The following ATP6V1H variants were observed in gnomAD, a reference collection of about 807,000 sequenced individuals.
ATP6V1H encodes the protein V-type proton ATPase subunit H.
ATP6V1H carries 39 observed loss-of-function variants against 71.7 expected under a neutral mutation model. The ratio of observed to expected loss-of-function variants is 0.54; its 90% CI spans 0.42 to 0.71. ATP6V1H has a LOEUF of 0.71. ATP6V1H is among the 30% of genes least tolerant of loss of function. The pLI is 0.00. For synonymous variants in ATP6V1H, 192 were observed against 199.3 expected, an observed-to-expected ratio of 0.96 and a Z score of 0.31; for missense variants, 509 against 594.9, an observed-to-expected ratio of 0.86 and a Z score of 1.50.
Position 53,796,275 on chromosome 8 carries a change from T to C in ATP6V1H, c.678-436A>G, listed in dbSNP as rs142067985. ...ACCTGTGATGGGTTCAAATTTGACA[T>C]AGCCAATTACTGAATTCGGGGGTCA... On this transcript the variant is annotated intron_variant, in intron 8 of 13. Coordinates refer to ENST00000359530, the MANE Select transcript of ATP6V1H (RefSeq NM_015941.4). 5.3e-3 allele frequency among the ~76,000 whole-genome samples: 814 copies of C among 152,166 alleles called. 19 individuals are homozygous for C. Among genetic ancestry groups the C allele is most frequent in the Admixed American group, 0.049 (745 of 15,282 alleles).
chr8:53,770,498 C>T (rs1018360849), intron 10 of ATP6V1H, among the ~76,000 whole-genome samples: 8 of 152,060 alleles, frequency 5.3e-5, no homozygotes, highest in African/African-American at 9.7e-5. Context: ...ACTAGTAATT[C>T]GGTATAACCA....
rs113699751 is a variant in ATP6V1H, at chr8:53,819,247, T to C, written c.307-1717A>G. ...AATTAAAAAAATAAAAATATATACA[T>C]TGGGCCAGGCACAGTGGCTCACGCC... On this transcript the variant is annotated intron_variant, in intron 4 of 13. Coordinates refer to ENST00000359530, the MANE Select transcript of ATP6V1H (RefSeq NM_015941.4). Among the ~76,000 whole-genome samples the C allele has an allele frequency of 2.0e-5, 3 of 151,156 alleles. 1 individual carries two copies. The highest frequency in any genetic ancestry group is 7.3e-5 in the African/African-American group (3 of 41,248).
chr8:53,840,497 CAA>C (rs111534562), intron 2 of ATP6V1H, among the ~76,000 whole-genome samples: 17 of 124,988 alleles, frequency 1.4e-4, no homozygotes, highest in Admixed American at 2.5e-4. Context: ...GACTCTGTCT[CAA>C]AAAAAAAAAA....
intron 4 of ATP6V1H, among the ~76,000 whole-genome samples, chr8:53,819,806 ATGTG>A (rs531362176): frequency 4.8e-5 from 7 of 146,014 alleles, no homozygotes; most frequent in African/African-American, 7.6e-5. Context: ...TACAAAGTAT[ATGTG>A]TGTGTGTGTA....
intron 13 of ATP6V1H, among the ~76,000 whole-genome samples, chr8:53,736,709 A>C (rs1807217133): frequency 6.6e-6 from 1 of 152,236 alleles, no homozygotes; most frequent in African/African-American, 2.4e-5. Flanking sequence ...TCTTGCAGGA[A>C]GACCTAAGTA....
chr8:53,841,854 C>T (rs1811352771), intron 1 of ATP6V1H, 129 bp from the exon 2 acceptor site: 1 of 816,260 alleles, frequency 1.2e-6, no homozygotes, highest in South Asian at 2.2e-5. Flanking sequence ...ATTAAATGTC[C>T]TAAGTCTGAA....
chr8:53,797,892 T>C (rs966264761), intron 8 of ATP6V1H, among the ~76,000 whole-genome samples: 7 of 152,166 alleles, frequency 4.6e-5, no homozygotes, highest in Non-Finnish European at 8.8e-5. Context: ...AGGGCAAATG[T>C]GTACTTAGTT....
At chr8:53,831,744 ACT>A (rs1415222246) in intron 3 of ATP6V1H, 27 of 130,274 alleles carry the variant, frequency 2.1e-4, no homozygotes, top group Non-Finnish European at 3.4e-4. Flanking sequence ...CAATAATTAC[ACT>A]CTTTTTTTTT....
chr8:53,797,501 G>T (rs911683942), intron 8 of ATP6V1H, among the ~76,000 whole-genome samples: 3 of 152,120 alleles, frequency 2.0e-5, no homozygotes, highest in African/African-American at 7.2e-5. Flanking sequence ...GGAGTTCAGA[G>T]ACACCAATAT....
chr8:53,795,507 T>C, intron 9 of ATP6V1H, 140 bp downstream of exon 9: 1 of 739,206 alleles, frequency 1.4e-6, no homozygotes. Flanking sequence ...ATTAGTGATA[T>C]TTTACTCTAT....
At chr8:53,818,483 T>C (rs866861213) in intron 4 of ATP6V1H, among the ~76,000 whole-genome samples, 3 of 152,186 alleles carry the variant, frequency 2.0e-5, no homozygotes, top group South Asian at 2.1e-4. Flanking sequence ...CATCAAGGAA[T>C]AGCCTACTGT....
At chr8:53,819,839 C>CACATACAT (rs1157283261) in intron 4 of ATP6V1H, among the ~76,000 whole-genome samples, 6 of 147,684 alleles carry the variant, frequency 4.1e-5, no homozygotes, top group African/African-American at 1.5e-4. Context: ...CACACACACA[C>CACATACAT]ACATACATAC....
chr8:53,814,428 G>A (rs1810383567), intron 6 of ATP6V1H, among the ~76,000 whole-genome samples: 1 of 151,962 alleles, frequency 6.6e-6, no homozygotes, highest in Non-Finnish European at 1.5e-5. Flanking sequence ...TGAAAAGCAT[G>A]ACTAAGAAAC....
At position 53,795,856 on chromosome 8, in the gene ATP6V1H, CAAA is replaced by C. The variant is rs745465778; in HGVS notation, c.678-20_678-18del. On this transcript the variant is annotated intron_variant, in intron 8 of 13. Transcript: ENST00000359530. ...CCCATTATGCTGAAAAACAAACAAA[CAAA>C]AAAAACACATTTACAAAACATTTAG... 1 of 1,565,880 alleles carries C rather than the reference CAAA, an allele frequency of 6.4e-7. No individual in the cohort carries two copies. Among genetic ancestry groups the C allele is most frequent in the African/African-American group, 1.4e-5 (1 of 71,872 alleles).
chr8:53,772,903 CAAA>C (rs201949406), intron 9 of ATP6V1H, among the ~76,000 whole-genome samples: 11,126 of 59,388 alleles, frequency 0.19, 607 homozygotes, highest in East Asian at 0.46. Flanking sequence ...CTATCAAATG[CAAA>C]AAAAAAAAAA....
At position 53,813,371 on chromosome 8, in the gene ATP6V1H, T is replaced by A. The variant is rs555054008; in HGVS notation, c.525+1291A>T. Among the ~76,000 whole-genome samples the A allele has an allele frequency of 2.6e-5, 4 of 152,332 alleles. No homozygotes were observed. The South Asian group carries it at 8.3e-4, about 32-fold the overall frequency. ...AAGTAAATCTAAGCAAAATACAGTG[T>A]CTTTCTTATGCCTCAAACTAAAATC... is the stretch of plus-strand genomic sequence containing the variant. On this transcript the variant is annotated intron_variant, in intron 6 of 13. Coordinates refer to ENST00000359530, the MANE Select transcript of ATP6V1H (RefSeq NM_015941.4).
intron 4 of ATP6V1H, among the ~76,000 whole-genome samples, chr8:53,820,204 A>G (rs566366807): frequency 5.3e-5 from 8 of 152,148 alleles, no homozygotes; most frequent in African/African-American, 1.9e-4. Flanking sequence ...AGAAACTGAA[A>G]AAGAGTACTG....
In ATP6V1H at chr8:53,772,881, A is replaced by G. The variant is rs535644681; in HGVS notation, c.871-714T>C. Among the ~76,000 whole-genome samples, 7 of 139,574 alleles carry G rather than the reference A, an allele frequency of 5.0e-5. No individual in the cohort carries two copies. The East Asian group carries it at 1.6e-3, about 31-fold the overall frequency. 91.6% of individuals were successfully genotyped at this position (139,574 alleles called of 152,430 possible). On this transcript the variant is annotated intron_variant, in intron 9 of 13. Transcript: ENST00000359530. Reference sequence around the variant, plus strand: ...AAAAAAAAGCTACTTTCACCAAGCTAGTTTAAAAAGCCTATCAAATGCAAA... The same window carrying G: ...AAAAAAAAGCTACTTTCACCAAGCTGGTTTAAAAAGCCTATCAAATGCAAA...
chr8:53,836,085 G>A (rs73680324), intron 2 of ATP6V1H, among the ~76,000 whole-genome samples: 7,479 of 152,136 alleles, frequency 0.049, 553 homozygotes, highest in African/African-American at 0.16. Flanking sequence ...TTCACGTACC[G>A]GTCAGGAAAA....
Sources: allele counts gnomAD v4.1 joint callset (sites outside exome capture counted in the v4.1 genomes callset), GRCh38; gene constraint gnomAD v4.1.1; transcripts MANE v1.5; gene names NCBI Gene and HGNC (gene_info 2026-07-23, HGNC 2026-07-21).